Variants in DLGAP2 observed in about 807,000 individuals in gnomAD.
DLGAP2 encodes disks large-associated protein 2.
Under a neutral mutation model 100.3 loss-of-function variants are expected in DLGAP2, and 26 were observed. The ratio of observed to expected loss-of-function variants is 0.26; its 90% CI spans 0.19 to 0.36. The LOEUF (loss-of-function observed/expected upper bound fraction) is 0.36, where lower values mean the gene tolerates loss of function less well. DLGAP2 is among the 10% of genes least tolerant of loss of function. The pLI, the probability that DLGAP2 is intolerant of heterozygous loss-of-function variation, is 1.00. For synonymous variants in DLGAP2, 886 were observed against 630.1 expected (o/e 1.41, Z -6.08); for missense variants, 1,858 against 1,453.2 (o/e 1.28, Z -4.53).
rs79299762 is a variant in DLGAP2, at chr8:1,391,386, G to C, written c.107-109980G>C. On this transcript the variant is annotated intron_variant, in intron 3 of 14. Transcript: ENST00000637795. ...CCCATTCAGAGGCCAGATCGGATCTGTGCAGAGGCACGCGGCTTATCCAGG... is the reference window on the plus strand; with the variant it reads ...CCCATTCAGAGGCCAGATCGGATCTCTGCAGAGGCACGCGGCTTATCCAGG... 3.6e-3 allele frequency among the ~76,000 whole-genome samples: 552 copies of C among 152,338 alleles called. 11 individuals are homozygous for C. The East Asian group carries it at 0.051, about 14-fold the overall frequency.
chr8:1,313,737 C>T (rs939988982), intron 3 of DLGAP2, among the ~76,000 whole-genome samples: 4 of 152,098 alleles, frequency 2.6e-5, no homozygotes, highest in Admixed American at 2.0e-4. Context: ...TGGAAAAGGT[C>T]AGATTTTTGA....
At chr8:1,676,688 T>G (rs1798818852) in intron 11 of DLGAP2, 70 bp downstream of exon 11, 2 of 1,465,040 alleles carry the variant, frequency 1.4e-6, no homozygotes, top group Non-Finnish European at 1.9e-6. Context: ...TGATGGAAGC[T>G]CCTAGATCCT....
intron 1 of DLGAP2, among the ~76,000 whole-genome samples, chr8:749,438 T>A (rs1366961215): frequency 6.6e-6 from 1 of 152,226 alleles, no homozygotes; most frequent in African/African-American, 2.4e-5. Context: ...ATTTTAAAAA[T>A]CAGAATTGGA....
intron 8 of DLGAP2, among the ~76,000 whole-genome samples, chr8:1,644,614 A>G (rs1247895406): frequency 1.3e-5 from 2 of 152,222 alleles, no homozygotes; most frequent in Non-Finnish European, 2.9e-5. Flanking sequence ...CTCCCTGACC[A>G]GGAGCTCCAG....
chr8:1,558,961 C>G (rs933928651), intron 5 of DLGAP2, among the ~76,000 whole-genome samples: 8 of 152,194 alleles, frequency 5.3e-5, no homozygotes, highest in African/African-American at 1.9e-4. Flanking sequence ...AATGTTTTTC[C>G]TCGGTTCCAG....
chr8:1,525,302 A>C (rs564260162), intron 4 of DLGAP2, among the ~76,000 whole-genome samples: 1 of 150,214 alleles, frequency 6.7e-6, no homozygotes, highest in African/African-American at 2.5e-5. Context: ...ACAAGTTACT[A>C]CCACTATGTA....
At chr8:1,202,949 A>G (rs571671012) in intron 2 of DLGAP2, among the ~76,000 whole-genome samples, 1 of 152,268 alleles carries the variant, frequency 6.6e-6, no homozygotes, top group African/African-American at 2.4e-5. Flanking sequence ...TGCGCTCCCG[A>G]GAAGCTGAGC....
At chr8:1,445,898 G>T (rs1442275166) in intron 3 of DLGAP2, among the ~76,000 whole-genome samples, 1 of 152,170 alleles carries the variant, frequency 6.6e-6, no homozygotes, top group Admixed American at 6.5e-5. Flanking sequence ...CTTTTGAGAA[G>T]TGTCTGTTCA....
chr8:1,439,793 T>A (rs1797775836), intron 3 of DLGAP2, among the ~76,000 whole-genome samples: 1 of 152,070 alleles, frequency 6.6e-6, no homozygotes, highest in Non-Finnish European at 1.5e-5. Flanking sequence ...ATGAGCCACG[T>A]GTGCACACAG....
At chr8:753,234 G>T (rs1465082420) in intron 1 of DLGAP2, among the ~76,000 whole-genome samples, 1 of 152,160 alleles carries the variant, frequency 6.6e-6, no homozygotes, top group Non-Finnish European at 1.5e-5. Flanking sequence ...TATTTATGAG[G>T]AATTGCTGCT....
chr8:1,078,869 G>GT (rs1239542106), intron 2 of DLGAP2, among the ~76,000 whole-genome samples: 1 of 152,194 alleles, frequency 6.6e-6, no homozygotes, highest in Non-Finnish European at 1.5e-5. Context: ...GTAAACACTT[G>GT]TGTGCAGGTT....
intron 1 of DLGAP2, among the ~76,000 whole-genome samples, chr8:884,551 A>G (rs565840855): frequency 2.6e-5 from 4 of 151,996 alleles, no homozygotes; most frequent in South Asian, 4.2e-4. Flanking sequence ...AGATGGGTAG[A>G]TTGCAAAAAT....
intron 2 of DLGAP2, among the ~76,000 whole-genome samples, chr8:1,183,160 A>G (rs77312603): frequency 0.038 from 5,795 of 152,048 alleles, 414 homozygotes; most frequent in African/African-American, 0.13. Context: ...GGAGCTAGGT[A>G]AGGACACAGC....
chr8:1,299,283 G>C (rs1800272433), intron 3 of DLGAP2, among the ~76,000 whole-genome samples: 1 of 152,192 alleles, frequency 6.6e-6, no homozygotes, highest in Admixed American at 6.5e-5. Context: ...GGCCACCCAG[G>C]GTGCCGCATG....
chr8:1,079,549 T>G (rs992021635), intron 2 of DLGAP2, among the ~76,000 whole-genome samples: 7 of 152,208 alleles, frequency 4.6e-5, no homozygotes, highest in Admixed American at 1.3e-4. Flanking sequence ...GTTTTGTGGT[T>G]TCGTCATACA....
At chr8:1,460,548 C>T (rs1395659135) in intron 3 of DLGAP2, among the ~76,000 whole-genome samples, 2 of 152,168 alleles carry the variant, frequency 1.3e-5, no homozygotes, top group South Asian at 2.1e-4. Context: ...CACAGCAGAG[C>T]ATGGTGACTC....
intron 1 of DLGAP2, among the ~76,000 whole-genome samples, chr8:795,633 C>CCAGTGAGAGCAGGT (rs1796010246): frequency 2.1e-4 from 8 of 37,594 alleles, no homozygotes; most frequent in Admixed American, 1.7e-4. Context: ...TGAGAGCAGG[C>CCAGTGAGAGCAGGT]GTCCAGTGAG....
chr8:1,420,429 G>T (rs1486785322), intron 3 of DLGAP2, among the ~76,000 whole-genome samples: 1 of 152,208 alleles, frequency 6.6e-6, no homozygotes, highest in South Asian at 2.1e-4. Flanking sequence ...TCCACTCTAC[G>T]CTGGTGTCCC....
At chr8:1,604,516 G>A (rs185272737) in intron 6 of DLGAP2, 3 of 152,172 alleles carry the variant, frequency 2.0e-5, no homozygotes, top group East Asian at 1.9e-4. Context: ...CCGGGGATGC[G>A]ATCCAGGAAT....
Sources: allele counts gnomAD v4.1 joint callset (sites outside exome capture counted in the v4.1 genomes callset), GRCh38; gene constraint gnomAD v4.1.1; transcripts MANE v1.5; gene names NCBI Gene and HGNC (gene_info 2026-07-23, HGNC 2026-07-21).